The following USH2A variants were observed in gnomAD, a reference collection of about 807,000 sequenced individuals.
The protein encoded by USH2A is usherin.
In USH2A, 443 loss-of-function variants were observed where a neutral mutation model predicts 538.9. The ratio of observed to expected loss-of-function variants is 0.82; its 90% confidence interval spans 0.76 to 0.89. The LOEUF (loss-of-function observed/expected upper bound fraction) is 0.89, where lower values mean the gene tolerates loss of function less well. Among genes scored for constraint, USH2A ranks in the 40% least tolerant of loss-of-function variants. The probability of loss-of-function intolerance (pLI) is 0.00; values close to 1 mark genes in which losing one functional copy is unlikely to be tolerated. For missense variants in USH2A, 6,633 were observed against 6,324.8 expected (o/e 1.05, Z -1.65); for synonymous variants, 2,413 against 2,273.5 (o/e 1.06, Z -1.75).
chr1:215,641,826 T>C (rs1182104747), intron 67 of USH2A, among the ~76,000 whole-genome samples: 1 of 152,192 alleles, frequency 6.6e-6, no homozygotes, highest in Non-Finnish European at 1.5e-5. Flanking sequence ...AAAGACACAG[T>C]TGATTGTTAT....
At chr1:216,262,194 C>T (rs2036387180) in intron 11 of USH2A, among the ~76,000 whole-genome samples, 1 of 151,932 alleles carries the variant, frequency 6.6e-6, no homozygotes, top group Non-Finnish European at 1.5e-5. Context: ...CAAAGGAACA[C>T]AATAATCCTC....
intron 38 of USH2A, among the ~76,000 whole-genome samples, chr1:215,913,579 C>A (rs1665868296): frequency 6.6e-6 from 1 of 152,010 alleles, no homozygotes; most frequent in Non-Finnish European, 1.5e-5. Flanking sequence ...TGGGGAATCA[C>A]TAATTCCATC....
chr1:215,967,237 C>T (rs141790036), intron 36 of USH2A, among the ~76,000 whole-genome samples: 3,201 of 152,290 alleles, frequency 0.021, 68 homozygotes, highest in South Asian at 0.082. Flanking sequence ...GGCACAATCT[C>T]GGGTCACTGG....
intron 9 of USH2A, among the ~76,000 whole-genome samples, chr1:216,317,028 G>A (rs907195791): frequency 6.6e-6 from 1 of 152,060 alleles, no homozygotes; most frequent in Non-Finnish European, 1.5e-5. Context: ...CCCTTCTATA[G>A]GTTGTCTGTT....
chr1:215,750,409 GTTTTGCCCCTGAGT>G (rs952122064), intron 58 of USH2A, among the ~76,000 whole-genome samples: 6 of 152,096 alleles, frequency 3.9e-5, no homozygotes, highest in Non-Finnish European at 8.8e-5. Context: ...CCAGCATCAT[GTTTTGCCCCTGAGT>G]GGGGCTCAGA....
At chr1:215,996,595 T>G (rs902183747) in intron 34 of USH2A, among the ~76,000 whole-genome samples, 1 of 76,994 alleles carries the variant, frequency 1.3e-5, no homozygotes, top group Non-Finnish European at 2.5e-5. Flanking sequence ...TTTTTTTTTT[T>G]GCAGTGGAAA....
At chr1:215,839,555 C>T (rs1366910865) in intron 46 of USH2A, among the ~76,000 whole-genome samples, 1 of 152,092 alleles carries the variant, frequency 6.6e-6, no homozygotes, top group East Asian at 1.9e-4. Context: ...AAATGTTTCT[C>T]CAGAAAACAT....
chr1:216,228,473 G>A (rs1347848205), intron 14 of USH2A, among the ~76,000 whole-genome samples: 1 of 152,188 alleles, frequency 6.6e-6, no homozygotes, highest in Non-Finnish European at 1.5e-5. Flanking sequence ...GAGTAACACA[G>A]TGAGAGGTGA....
Position 215,921,647 on chromosome 1 carries a change from C to T in USH2A, c.7300+12969G>A, listed in dbSNP as rs559759264. Reference sequence around the variant, plus strand: ...GTAGAAGAAATAGAGTATAGTTCTACAGTCAGTAGAACAATAGAGTATAGT... The same window carrying T: ...GTAGAAGAAATAGAGTATAGTTCTATAGTCAGTAGAACAATAGAGTATAGT... On this transcript the variant is annotated intron_variant, in intron 38 of 71. Coordinates refer to ENST00000307340, the MANE Select transcript of USH2A (RefSeq NM_206933.4). Among the ~76,000 whole-genome samples, 66 of 152,132 alleles carry T rather than the reference C, an allele frequency of 4.3e-4. 2 individuals carry two copies. In the South Asian group the frequency reaches 5.8e-3, roughly 13 times the overall value.
At chr1:215,777,734 C>T (rs1661505131) in intron 55 of USH2A, among the ~76,000 whole-genome samples, 1 of 152,192 alleles carries the variant, frequency 6.6e-6, no homozygotes, top group South Asian at 2.1e-4. Flanking sequence ...GCTGGCAATT[C>T]ATTTTTGGGA....
At chr1:215,911,084 TA>T (rs1161847398) in intron 38 of USH2A, among the ~76,000 whole-genome samples, 3 of 151,856 alleles carry the variant, frequency 2.0e-5, no homozygotes, top group African/African-American at 7.3e-5. Context: ...ATTTGTGGCA[TA>T]TAGGAGGTAT....
chr1:215,845,361 C>G (rs2102822672), intron 45 of USH2A, among the ~76,000 whole-genome samples: 1 of 152,132 alleles, frequency 6.6e-6, no homozygotes, highest in Admixed American at 6.5e-5. Flanking sequence ...AAGTTGCTTC[C>G]CTTGCTTCCT....
At chr1:215,663,163 C>G (rs1657496915) in intron 64 of USH2A, among the ~76,000 whole-genome samples, 1 of 152,136 alleles carries the variant, frequency 6.6e-6, no homozygotes, top group African/African-American at 2.4e-5. Context: ...AACATTTTAT[C>G]AATGACTTGT....
At chr1:216,195,701 G>T (rs1251424416) in intron 19 of USH2A, 2 of 160,596 alleles carry the variant, frequency 1.2e-5, no homozygotes, top group Non-Finnish European at 2.9e-5. Flanking sequence ...ATGGGAGTAG[G>T]TATAAAGTGT....
chr1:215,820,550 T>C (rs1662984285), intron 47 of USH2A, among the ~76,000 whole-genome samples: 1 of 151,784 alleles, frequency 6.6e-6, no homozygotes, highest in South Asian at 2.1e-4. Context: ...AACTGGCATA[T>C]CCATCACCTT....
chr1:215,900,915 A>G lies in USH2A; in HGVS notation c.7301-10T>C. ...AGCACGCCATCTGGAGCTGTCGAAAAACACAGATGAATTAGAGCAGAGAAA... is the reference window on the plus strand; with the variant it reads ...AGCACGCCATCTGGAGCTGTCGAAAGACACAGATGAATTAGAGCAGAGAAA... On this transcript the variant is annotated splice_polypyrimidine_tract_variant and intron_variant, in intron 38 of 71. Coordinates refer to ENST00000307340, the MANE Select transcript of USH2A (RefSeq NM_206933.4). The G allele has an allele frequency of 6.2e-7, 1 of 1,613,170 alleles. No individual in the cohort carries two copies.
chr1:215,674,762 A>C lies in USH2A; in HGVS notation c.13149T>G (p.Asn4383Lys), dbSNP rs779677349. ...TAACTAAATATTTAGTAATCTTTCCATTTTGCACTGTGGGCGGTGACCAAC... is the reference window on the plus strand; with the variant it reads ...TAACTAAATATTTAGTAATCTTTCCCTTTTGCACTGTGGGCGGTGACCAAC... ...NVCWSPPTVQNGKITKYLVRY... is the reference protein window; with the variant it reads ...NVCWSPPTVQKGKITKYLVRY... The change falls in exon 63 of 72, where the codon AAT becomes AAG. Residue 4383 changes from asparagine to lysine, a missense_variant. Asn to Lys is a moderately conservative substitution (Grantham distance 94, BLOSUM62 0). Coordinates refer to ENST00000307340, the MANE Select transcript of USH2A (RefSeq NM_206933.4). The C allele has an allele frequency of 8.1e-6, 13 of 1,613,992 alleles. No individual in the cohort carries two copies. The highest frequency in any genetic ancestry group is 1.1e-5 in the Non-Finnish European group (13 of 1,180,010).
intron 41 of USH2A, among the ~76,000 whole-genome samples, chr1:215,879,975 T>G (rs999808217): frequency 3.3e-5 from 5 of 152,200 alleles, no homozygotes; most frequent in Non-Finnish European, 5.9e-5. Context: ...AGGATATATA[T>G]CTCATGTCCC....
chr1:216,117,911 T>G (rs980110141), intron 21 of USH2A, among the ~76,000 whole-genome samples: 21 of 151,832 alleles, frequency 1.4e-4, no homozygotes, highest in African/African-American at 5.1e-4. Flanking sequence ...CACAGATATA[T>G]ATATGCATGT....
Sources: allele counts gnomAD v4.1 joint callset (sites outside exome capture counted in the v4.1 genomes callset), GRCh38; gene constraint gnomAD v4.1.1; transcripts MANE v1.5; gene names NCBI Gene and HGNC (gene_info 2026-07-23, HGNC 2026-07-21).